The following CALCRL variants were observed in gnomAD, a reference collection of about 807,000 sequenced individuals.
CALCRL encodes the protein calcitonin gene-related peptide type 1 receptor.
In CALCRL, 27 loss-of-function variants were observed where a neutral mutation model predicts 60.4. The ratio of observed to expected loss-of-function variants is 0.45; its 90% CI spans 0.33 to 0.62. The LOEUF (loss-of-function observed/expected upper bound fraction) is 0.62. Among genes scored for constraint, CALCRL ranks in the 20% least tolerant of loss-of-function variants. The probability of loss-of-function intolerance (pLI) is 0.03; values close to 1 mark genes in which losing one functional copy is unlikely to be tolerated. For synonymous variants in CALCRL, 190 were observed against 182.6 expected, an observed-to-expected ratio of 1.04 and a Z score of -0.33; for missense variants, 424 against 540.7, an observed-to-expected ratio of 0.78 and a Z score of 2.14.
At chr2:187,399,561 A>AC (rs1688797933) in intron 1 of CALCRL, among the ~76,000 whole-genome samples, 1 of 151,582 alleles carries the variant, frequency 6.6e-6, no homozygotes, top group Admixed American at 6.6e-5. Context: ...AAGAGACAGC[A>AC]CACAGAATGG....
intron 1 of CALCRL, among the ~76,000 whole-genome samples, 187 bp from the exon 2 acceptor site, chr2:187,387,943 T>G (rs1202727863): frequency 6.6e-6 from 1 of 152,100 alleles, no homozygotes; most frequent in Non-Finnish European, 1.5e-5. Flanking sequence ...ATTCACAGCA[T>G]GGGATGTTTC....
intron 1 of CALCRL, among the ~76,000 whole-genome samples, chr2:187,423,189 A>G (rs1277740337): frequency 1.3e-5 from 2 of 152,038 alleles, no homozygotes; most frequent in African/African-American, 2.4e-5. Flanking sequence ...AAAGAAATAG[A>G]CCTTTCCCAA....
intron 8 of CALCRL, among the ~76,000 whole-genome samples, chr2:187,367,950 T>C (rs571702191): frequency 1.3e-5 from 2 of 152,236 alleles, no homozygotes; most frequent in East Asian, 1.9e-4. Flanking sequence ...CATTATGCTT[T>C]ATATGTAATG....
chr2:187,349,233 G>C (rs2105688806), intron 14 of CALCRL, among the ~76,000 whole-genome samples: 1 of 151,672 alleles, frequency 6.6e-6, no homozygotes, highest in South Asian at 2.1e-4. Context: ...TTTTGTCTGA[G>C]GGCACTAGGG....
chr2:187,400,123 A>C (rs190004478), intron 1 of CALCRL, among the ~76,000 whole-genome samples: 1 of 151,622 alleles, frequency 6.6e-6, no homozygotes, highest in Non-Finnish European at 1.5e-5. Context: ...AAACAATATA[A>C]GTTCGAGGTG....
At chr2:187,418,141 C>A (rs1485699095) in intron 1 of CALCRL, among the ~76,000 whole-genome samples, 3 of 152,086 alleles carry the variant, frequency 2.0e-5, no homozygotes, top group East Asian at 1.9e-4. Flanking sequence ...TTCACCCACA[C>A]CCCCAGGACT....
chr2:187,364,986 G>A (rs1464473689), intron 8 of CALCRL, among the ~76,000 whole-genome samples: 1 of 152,142 alleles, frequency 6.6e-6, no homozygotes, highest in African/African-American at 2.4e-5. Context: ...GCTTGACTTT[G>A]TAGTGTATAG....
intron 12 of CALCRL, among the ~76,000 whole-genome samples, chr2:187,356,080 T>A (rs1686768579): frequency 6.6e-6 from 1 of 152,106 alleles, no homozygotes; most frequent in Non-Finnish European, 1.5e-5. Context: ...CTACCCAAAG[T>A]AATTTATAGA....
chr2:187,364,470 GT>G (rs893313721), intron 8 of CALCRL, among the ~76,000 whole-genome samples: 49 of 148,220 alleles, frequency 3.3e-4, no homozygotes, highest in Middle Eastern at 3.4e-3. Flanking sequence ...GTGTGTGTGT[GT>G]TTTTTTTTTA....
At chr2:187,363,599 C>A in intron 8 of CALCRL, 97 bp from the exon 9 acceptor site, 2 of 1,231,460 alleles carry the variant, frequency 1.6e-6, no homozygotes, top group East Asian at 2.7e-5. Flanking sequence ...AGCAGCTGAT[C>A]CACTTTTGAA....
intron 1 of CALCRL, among the ~76,000 whole-genome samples, chr2:187,412,267 A>T (rs575449215): frequency 1.8e-4 from 28 of 152,246 alleles, no homozygotes; most frequent in African/African-American, 6.3e-4. Flanking sequence ...AACGGGTGTC[A>T]TTTCTTAAAA....
Position 187,435,523 on chromosome 2 carries a change from A to G in CALCRL, c.-293+12516T>C, listed in dbSNP as rs943027311. On this transcript the variant is annotated intron_variant, in intron 1 of 14. Transcript: ENST00000392370. ...GAGATTTGGAGAGGACAAACATCCA[A>G]ACTATATCAGTATGGTATACATAAT... Among the ~76,000 whole-genome samples the G allele has an allele frequency of 5.3e-5, 8 of 152,270 alleles. No individual in the cohort carries two copies. The East Asian group carries it at 1.5e-3, about 29-fold the overall frequency.
rs535649739 is a variant in CALCRL at position 187,357,635 on chromosome 2, A to G, written c.909+1428T>C. 1.5e-3 allele frequency among the ~76,000 whole-genome samples: 183 copies of G among 118,182 alleles called. 1 individual carries two copies. The highest frequency in any genetic ancestry group is 4.9e-3 in the Admixed American group (42 of 8,552). 77.5% of individuals were successfully genotyped at this position (118,182 alleles called of 152,430 possible). A position where few individuals can be genotyped will look rare whatever the true frequency, so the allele number is the denominator to read the frequency against. On this transcript the variant is annotated intron_variant, in intron 12 of 14. Transcript: ENST00000392370. Reference sequence around the variant, plus strand: ...CATGTGTTCTCATTGTTCAATTCCCACCTATGTTGTGGGGTCGGGGGAGGG... The same window carrying G: ...CATGTGTTCTCATTGTTCAATTCCCGCCTATGTTGTGGGGTCGGGGGAGGG...
At chr2:187,379,132 T>C in intron 7 of CALCRL, 101 bp from the exon 8 acceptor site, 1 of 636,938 alleles carries the variant, frequency 1.6e-6, no homozygotes, top group Non-Finnish European at 2.8e-6. Context: ...TAAACTATAT[T>C]TTTAGAAATA....
chr2:187,409,111 G>C (rs553530211), intron 1 of CALCRL, among the ~76,000 whole-genome samples: 1 of 152,246 alleles, frequency 6.6e-6, no homozygotes, highest in South Asian at 2.1e-4. Flanking sequence ...TCTTTTACAT[G>C]TGAATGCAGT....
intron 1 of CALCRL, among the ~76,000 whole-genome samples, chr2:187,436,065 C>A (rs2105901346): frequency 6.6e-6 from 1 of 152,050 alleles, no homozygotes; most frequent in African/African-American, 2.4e-5. Context: ...TTACATACTT[C>A]TTGTTATTTA....
intron 1 of CALCRL, among the ~76,000 whole-genome samples, chr2:187,412,999 A>C (rs186602956): frequency 7.4e-4 from 112 of 152,334 alleles, no homozygotes; most frequent in African/African-American, 2.6e-3. Context: ...GTTCTCTGCA[A>C]ACTTTCAATT....
chr2:187,400,623 C>T (rs1688848413), intron 1 of CALCRL, among the ~76,000 whole-genome samples: 1 of 151,270 alleles, frequency 6.6e-6, no homozygotes. Flanking sequence ...ATGGAAACAG[C>T]TCAAATATTC....
At chr2:187,417,235 T>C (rs1689652414) in intron 1 of CALCRL, among the ~76,000 whole-genome samples, 1 of 151,926 alleles carries the variant, frequency 6.6e-6, no homozygotes, top group Non-Finnish European at 1.5e-5. Flanking sequence ...CAGAGTAGCA[T>C]AGTTAACAAC....
Sources: gnomAD v4.1 joint callset for allele counts (sites outside exome capture counted in the v4.1 genomes callset) on GRCh38, gnomAD v4.1.1 for gene constraint, MANE v1.5 for transcripts, NCBI Gene and HGNC (gene_info 2026-07-23, HGNC 2026-07-21) for gene names.